CCDC175: variants seen among roughly 807,000 people sequenced by gnomAD.
The protein encoded by CCDC175 is coiled-coil domain-containing protein 175.
CCDC175 carries 100 observed loss-of-function variants against 114.6 expected under a neutral mutation model. The ratio of observed to expected loss-of-function variants is 0.87; its 90% CI spans 0.74 to 1.03. The LOEUF (loss-of-function observed/expected upper bound fraction) is 1.03, where lower values mean the gene tolerates loss of function less well. CCDC175 is among the 50% of genes least tolerant of loss of function. The pLI is 0.00. For missense variants in CCDC175, 880 were observed against 917.8 expected (o/e 0.96, Z 0.53); for synonymous variants, 306 against 308.7 (o/e 0.99, Z 0.09).
At chr14:59,534,517 C>T (rs915098439) in intron 13 of CCDC175, among the ~76,000 whole-genome samples, 3 of 152,168 alleles carry the variant, frequency 2.0e-5, no homozygotes, top group African/African-American at 7.2e-5. Flanking sequence ...GGCCCCAGCA[C>T]CAGATGTAAA....
chr14:59,512,991 T>C (rs1019496426), intron 17 of CCDC175, among the ~76,000 whole-genome samples: 4 of 152,220 alleles, frequency 2.6e-5, no homozygotes. Context: ...GACAGTGTGA[T>C]ATTGGTATAA....
intron 6 of CCDC175, among the ~76,000 whole-genome samples, chr14:59,562,228 C>T (rs1422515691): frequency 2.0e-5 from 3 of 152,206 alleles, no homozygotes; most frequent in Admixed American, 6.5e-5. Context: ...CTTGCCTGGA[C>T]AGGTAGGCCG....
intron 2 of CCDC175, among the ~76,000 whole-genome samples, chr14:59,574,270 A>G (rs1243926121): frequency 6.6e-6 from 1 of 152,198 alleles, no homozygotes; most frequent in Non-Finnish European, 1.5e-5. Flanking sequence ...GATATGTAGT[A>G]AATTCTTATC....
At chr14:59,530,398 GAGAC>G (rs1272978075) in intron 14 of CCDC175, among the ~76,000 whole-genome samples, 1 of 135,850 alleles carries the variant, frequency 7.4e-6, no homozygotes, top group Non-Finnish European at 1.6e-5. Context: ...AAAAAAGAAA[GAGAC>G]AGAGAGAGAG....
At chr14:59,554,625 C>A (rs1271989261) in intron 7 of CCDC175, among the ~76,000 whole-genome samples, 2 of 152,072 alleles carry the variant, frequency 1.3e-5, no homozygotes, top group African/African-American at 4.8e-5. Context: ...CAGAGCAGAA[C>A]TGAAGGAAAT....
chr14:59,539,405 C>T (rs1894620317), intron 11 of CCDC175, among the ~76,000 whole-genome samples: 1 of 151,864 alleles, frequency 6.6e-6, no homozygotes, highest in South Asian at 2.1e-4. Flanking sequence ...TGGAGAAACC[C>T]TGTCTCTACT....
chr14:59,510,426 T>C (rs1425612707), intron 19 of CCDC175: 3 of 451,862 alleles, frequency 6.6e-6, no homozygotes, highest in Non-Finnish European at 1.2e-5. Flanking sequence ...TAAAGAAGAT[T>C]TAGTTATCTA....
At chr14:59,573,857 C>T (rs1363188582) in intron 2 of CCDC175, among the ~76,000 whole-genome samples, 2 of 152,134 alleles carry the variant, frequency 1.3e-5, no homozygotes, top group Non-Finnish European at 2.9e-5. Context: ...TCAAGTGATC[C>T]ACCCATCCTG....
At chr14:59,545,096 C>G in intron 9 of CCDC175, 67 bp downstream of exon 9, 2 of 1,430,912 alleles carry the variant, frequency 1.4e-6, no homozygotes, top group Non-Finnish European at 1.9e-6. Flanking sequence ...AGAGCCACCA[C>G]TTTGATAGCA....
At chr14:59,510,887 C>G in intron 18 of CCDC175, 79 bp from the exon 19 acceptor site, 1 of 1,257,140 alleles carries the variant, frequency 8.0e-7, no homozygotes, top group Non-Finnish European at 1.1e-6. Context: ...TGGATCATGT[C>G]CAAAAAAAAA....
chr14:59,518,558 C>T (rs1047727441), intron 17 of CCDC175, among the ~76,000 whole-genome samples: 40 of 152,140 alleles, frequency 2.6e-4, no homozygotes, highest in Admixed American at 9.2e-4. Flanking sequence ...CCAAAAGACA[C>T]ATGAAAAAAT....
chr14:59,512,795 T>A (rs1892827075), intron 17 of CCDC175, among the ~76,000 whole-genome samples: 1 of 142,226 alleles, frequency 7.0e-6, no homozygotes, highest in Admixed American at 7.6e-5. Context: ...CCAATTAAGA[T>A]CTCAGCAGGG....
At chr14:59,538,252 G>C (rs1257735280) in intron 12 of CCDC175, 98 bp from the exon 13 acceptor site, 3 of 1,003,788 alleles carry the variant, frequency 3.0e-6, no homozygotes, top group Non-Finnish European at 4.2e-6. Flanking sequence ...CAGGAGGCCT[G>C]CTTCTGATTT....
chr14:59,565,058 A>G lies in CCDC175; in HGVS notation c.709T>C (p.Leu237=). ...ATCATGCCACTTACCTGTGCAGTCA[A>G]CTCTTGTTTTCTTATTAGATATTCT... ...RAEYLIRKQE[L]TAQINEFENT... The change falls in exon 5 of 20, where the codon TTG becomes CTG. Residue 237 remains leucine, a synonymous_variant. Coordinates refer to ENST00000537690, the MANE Select transcript of CCDC175 (RefSeq NM_001164399.2). 6.5e-7 allele frequency: 1 copy of G among 1,530,140 alleles called. No individual in the cohort carries two copies. Among genetic ancestry groups the G allele is most frequent in the African/African-American group, 1.4e-5 (1 of 72,648 alleles). The allele number at this position is 1,530,140 out of a possible 1,614,324, so 94.8% of individuals were successfully genotyped here.
At chr14:59,567,069 C>T (rs1267836095) in intron 4 of CCDC175, among the ~76,000 whole-genome samples, 2 of 152,190 alleles carry the variant, frequency 1.3e-5, no homozygotes, top group East Asian at 3.9e-4. Flanking sequence ...GATTCTGATG[C>T]AAGCTCAAGT....
At chr14:59,571,360 A>G (rs549936593) in intron 3 of CCDC175, among the ~76,000 whole-genome samples, 116 of 152,316 alleles carry the variant, frequency 7.6e-4, no homozygotes, top group African/African-American at 2.6e-3. Flanking sequence ...TGCAAATCAT[A>G]TATCTAATCA....
intron 16 of CCDC175, among the ~76,000 whole-genome samples, chr14:59,522,886 C>T (rs977515674): frequency 1.3e-5 from 2 of 152,204 alleles, no homozygotes; most frequent in Non-Finnish European, 2.9e-5. Flanking sequence ...AGACCATGAG[C>T]TTCCAAAGGG....
At chr14:59,538,589 T>C (rs555606985) in intron 12 of CCDC175, 116 bp downstream of exon 12, 1 of 892,840 alleles carries the variant, frequency 1.1e-6, no homozygotes, top group African/African-American at 1.7e-5. Context: ...ACTCTAAACA[T>C]GAAATCAGCA....
At chr14:59,573,335 C>T (rs972329027) in intron 2 of CCDC175, among the ~76,000 whole-genome samples, 4 of 152,060 alleles carry the variant, frequency 2.6e-5, no homozygotes, top group Admixed American at 6.6e-5. Context: ...AATAAACTGT[C>T]ATAATAGCTA....
Sources: gnomAD v4.1 joint callset for allele counts (sites outside exome capture counted in the v4.1 genomes callset) on GRCh38, gnomAD v4.1.1 for gene constraint, MANE v1.5 for transcripts, NCBI Gene and HGNC (gene_info 2026-07-23, HGNC 2026-07-21) for gene names.